Variants in GSTCD observed in about 807,000 individuals in gnomAD.
GSTCD encodes the protein glutathione S-transferase C-terminal domain-containing protein.
A neutral mutation model predicts 68.3 loss-of-function variants in GSTCD; 44 were observed. That is an observed-to-expected ratio of 0.64 (90% CI 0.51 to 0.83). The LOEUF is 0.83. Ranked by LOEUF, GSTCD falls within the 40% of genes least tolerant of loss-of-function variation. The probability of loss-of-function intolerance (pLI) is 0.00; values close to 1 mark genes in which losing one functional copy is unlikely to be tolerated. For synonymous variants in GSTCD, 273 were observed against 255.2 expected, an observed-to-expected ratio of 1.07 and a Z score of -0.67; for missense variants, 739 against 735.9, an observed-to-expected ratio of 1.00 and a Z score of -0.05.
chr4:105,780,320 C>T (rs1470708097), intron 5 of GSTCD, among the ~76,000 whole-genome samples: 3 of 152,172 alleles, frequency 2.0e-5, no homozygotes, highest in African/African-American at 4.8e-5. Flanking sequence ...TATTCGCCTG[C>T]CTTGTTCATT....
rs559527001 is a variant in GSTCD, at chr4:105,743,098, C to T, written c.1240+13599C>T. Among the ~76,000 whole-genome samples, 529 of 151,826 alleles carry T rather than the reference C, an allele frequency of 3.5e-3. 8 individuals are homozygous for T. The highest frequency in any genetic ancestry group is 0.012 in the African/African-American group (480 of 41,402). ...CCGAGTAGCTGGGACTACAGGCGCCCGCCACCACGCCTGGCTAATTTTTTT... is the reference window on the plus strand; with the variant it reads ...CCGAGTAGCTGGGACTACAGGCGCCTGCCACCACGCCTGGCTAATTTTTTT... On this transcript the variant is annotated intron_variant, in intron 5 of 11. Transcript: ENST00000515279.
intron 5 of GSTCD, among the ~76,000 whole-genome samples, chr4:105,810,072 T>C (rs1453745446): frequency 6.6e-6 from 1 of 152,074 alleles, no homozygotes; most frequent in East Asian, 1.9e-4. Context: ...CAATACAAAG[T>C]ATTTATTTTA....
chr4:105,778,634 CT>C (rs1459720969), intron 5 of GSTCD, among the ~76,000 whole-genome samples: 1 of 151,992 alleles, frequency 6.6e-6, no homozygotes, highest in African/African-American at 2.4e-5. Context: ...GCTGCAATTG[CT>C]TGATATGTGA....
At chr4:105,824,303 G>A (rs1723477660) in intron 7 of GSTCD, among the ~76,000 whole-genome samples, 1 of 152,116 alleles carries the variant, frequency 6.6e-6, no homozygotes, top group Non-Finnish European at 1.5e-5. Flanking sequence ...TTATTATTAA[G>A]TAAAGCAATA....
chr4:105,793,502 A>G (rs887320449), intron 5 of GSTCD, among the ~76,000 whole-genome samples: 17 of 151,994 alleles, frequency 1.1e-4, no homozygotes, highest in African/African-American at 4.1e-4. Context: ...TTAAGATTAA[A>G]ACAGAGTTCA....
chr4:105,717,988 A>C lies in GSTCD; in HGVS notation c.375A>C (p.Glu125Asp). The C allele has an allele frequency of 1.2e-6, 2 of 1,612,694 alleles. No individual in the cohort carries two copies. The highest frequency in any genetic ancestry group is 1.7e-6 in the Non-Finnish European group (2 of 1,179,516). Residue 125 changes from glutamate to aspartate, a missense_variant, in exon 2 of 12, where the codon GAA becomes GAC. Physicochemically the swap from Glu to Asp is conservative, Grantham distance 45. Coordinates refer to ENST00000515279, the MANE Select transcript of GSTCD (RefSeq NM_001370181.1). ...ATGAAGCAGACCCCTTAAAGAAGGA[A>C]CTTTTGGAACTTCTGGGCTTTAAAA... ...KSYEADPLKK[E>D]LLELLGFKKT...
chr4:105,836,168 GTCATCTCATC>G (rs777906633), intron 9 of GSTCD, among the ~76,000 whole-genome samples: 2 of 152,022 alleles, frequency 1.3e-5, no homozygotes, highest in Non-Finnish European at 2.9e-5. Context: ...CTTCAGGCAG[GTCATCTCATC>G]TCATCTCATC....
rs548913510 is a variant in GSTCD, at chr4:105,817,304, A to C, written c.1241-5650A>C. ...GATACTTATGAGATCATTATTCCTC[A>C]ATTTGGAAGTATAAATTAGCCTTTT... On this transcript the variant is annotated intron_variant, in intron 5 of 11. Transcript: ENST00000515279. Among the ~76,000 whole-genome samples, 3 of 152,044 alleles carry C rather than the reference A, an allele frequency of 2.0e-5. No homozygotes were observed. The South Asian group carries it at 6.2e-4, about 32-fold the overall frequency.
intron 11 of GSTCD, among the ~76,000 whole-genome samples, chr4:105,842,361 G>T (rs772522510): frequency 6.6e-6 from 1 of 152,116 alleles, no homozygotes. Context: ...TATTTTGAAT[G>T]TTTGTACATT....
chr4:105,843,202 T>C (rs1724425125), intron 11 of GSTCD, among the ~76,000 whole-genome samples: 1 of 152,206 alleles, frequency 6.6e-6, no homozygotes. Flanking sequence ...ATGCTCACAC[T>C]TGGAGACCTG....
At chr4:105,826,072 G>A (rs1466559295) in intron 8 of GSTCD, 1 of 161,956 alleles carries the variant, frequency 6.2e-6, no homozygotes, top group African/African-American at 2.4e-5. Flanking sequence ...CTGAAAACTG[G>A]TTAATAATTG....
rs559357561 is a variant in GSTCD, at chr4:105,799,920, T to C, written c.1241-23034T>C. 1.1e-4 allele frequency among the ~76,000 whole-genome samples: 17 copies of C among 152,076 alleles called. No homozygotes were observed. The South Asian group carries it at 3.3e-3, about 30-fold the overall frequency. ...CTTACTTATAAGTGGGAGCTAAACA[T>C]TGAGTACACATAGACACAAAGAAGG... On this transcript the variant is annotated intron_variant, in intron 5 of 11. Transcript: ENST00000515279.
intron 8 of GSTCD, among the ~76,000 whole-genome samples, chr4:105,826,887 CTT>C (rs1430524205): frequency 6.6e-6 from 1 of 152,036 alleles, no homozygotes; most frequent in Non-Finnish European, 1.5e-5. Context: ...TAATTCAGAC[CTT>C]TTATAGTATT....
At chr4:105,797,423 A>C (rs1363900576) in intron 5 of GSTCD, among the ~76,000 whole-genome samples, 1 of 152,190 alleles carries the variant, frequency 6.6e-6, no homozygotes, top group East Asian at 1.9e-4. Context: ...GTGCACATGA[A>C]AGTTGTGTTT....
intron 3 of GSTCD, among the ~76,000 whole-genome samples, chr4:105,720,230 G>A (rs1194215861): frequency 6.6e-6 from 1 of 152,102 alleles, no homozygotes; most frequent in Non-Finnish European, 1.5e-5. Flanking sequence ...TCCCTCTGTG[G>A]AGGAAAAAAG....
At chr4:105,807,770 G>T (rs971476285) in intron 5 of GSTCD, among the ~76,000 whole-genome samples, 9 of 152,048 alleles carry the variant, frequency 5.9e-5, no homozygotes, top group African/African-American at 1.9e-4. Flanking sequence ...TCACTTGGTT[G>T]ATATGGTGTC....
intron 5 of GSTCD, among the ~76,000 whole-genome samples, chr4:105,795,580 A>G (rs914892023): frequency 3.3e-5 from 5 of 152,074 alleles, no homozygotes; most frequent in Non-Finnish European, 7.3e-5. Context: ...CTATTCATAA[A>G]TAAAACATCT....
intron 5 of GSTCD, among the ~76,000 whole-genome samples, chr4:105,808,387 T>A (rs1722606505): frequency 6.6e-6 from 1 of 152,088 alleles, no homozygotes; most frequent in Non-Finnish European, 1.5e-5. Context: ...CAGCAAATTC[T>A]GTCAGCTCTG....
intron 1 of GSTCD, among the ~76,000 whole-genome samples, chr4:105,710,327 TCTC>T (rs1428131299): frequency 1.4e-5 from 2 of 142,068 alleles, no homozygotes; most frequent in East Asian, 4.2e-4. Flanking sequence ...CTCAAGCAAT[TCTC>T]CTGCCTCAGC....
Sources: gnomAD v4.1 joint callset for allele counts (sites outside exome capture counted in the v4.1 genomes callset) on GRCh38, gnomAD v4.1.1 for gene constraint, MANE v1.5 for transcripts, NCBI Gene and HGNC (gene_info 2026-07-23, HGNC 2026-07-21) for gene names.